PLCB4: variants seen among roughly 807,000 people sequenced by gnomAD.
PLCB4 encodes the protein phospholipase C beta 4, also known as 1-phosphatidylinositol 4,5-bisphosphate phosphodiesterase beta-4.
PLCB4 carries 77 observed loss-of-function variants against 178.8 expected under a neutral mutation model. That is an observed-to-expected ratio of 0.43 (90% confidence interval 0.36 to 0.52). The LOEUF is 0.52. PLCB4 is among the 20% of genes least tolerant of loss of function. The pLI is 0.00. For missense variants in PLCB4, 1,024 were observed against 1,453.4 expected (o/e 0.70, Z 4.80); for synonymous variants, 496 against 490.8 (o/e 1.01, Z -0.14).
intron 21 of PLCB4, among the ~76,000 whole-genome samples, chr20:9,406,483 A>C (rs2039442336): frequency 6.6e-6 from 1 of 150,844 alleles, no homozygotes; most frequent in Admixed American, 6.6e-5. Context: ...AAGACAAACA[A>C]ATTGACCATT....
At chr20:9,205,423 A>G (rs2093604186) in intron 2 of PLCB4, among the ~76,000 whole-genome samples, 1 of 152,236 alleles carries the variant, frequency 6.6e-6, no homozygotes, top group African/African-American at 2.4e-5. Flanking sequence ...AATCTAGAGC[A>G]TCTGTATATT....
In PLCB4 at chr20:9,291,974, A is replaced by T. The variant is rs576236846; in HGVS notation, c.-15-15826A>T. Among the ~76,000 whole-genome samples the T allele has an allele frequency of 3.7e-3, 562 of 152,344 alleles. 3 individuals carry two copies. The highest frequency in any genetic ancestry group is 6.5e-3 in the Non-Finnish European group (439 of 68,018). ...ATAGCAAAGATCTATTTATAAAAGT[A>T]GCTTGGAGAATTTTTAAATACAAGG... is the stretch of plus-strand genomic sequence containing the variant. On this transcript the variant is annotated intron_variant, in intron 3 of 39. Coordinates refer to ENST00000378473, the MANE Select transcript of PLCB4 (RefSeq NM_001377142.1).
chr20:9,398,008 T>C (rs1333734027), intron 19 of PLCB4, among the ~76,000 whole-genome samples: 1 of 152,170 alleles, frequency 6.6e-6, no homozygotes, highest in Non-Finnish European at 1.5e-5. Flanking sequence ...GGATGCTGGC[T>C]GAACGCTGGG....
intron 3 of PLCB4, among the ~76,000 whole-genome samples, chr20:9,266,746 A>AT (rs1227559254): frequency 6.6e-6 from 1 of 152,134 alleles, no homozygotes; most frequent in Non-Finnish European, 1.5e-5. Context: ...GCTGGGTAGA[A>AT]TATTGAGGGT....
At chr20:9,282,492 C>T (rs1450413944) in intron 3 of PLCB4, among the ~76,000 whole-genome samples, 2 of 151,908 alleles carry the variant, frequency 1.3e-5, no homozygotes, top group Admixed American at 1.3e-4. Flanking sequence ...CTAATTGCTT[C>T]CTCTCCCTGC....
At chr20:9,243,730 T>C (rs2094092897) in intron 3 of PLCB4, among the ~76,000 whole-genome samples, 1 of 152,176 alleles carries the variant, frequency 6.6e-6, no homozygotes, top group Admixed American at 6.5e-5. Context: ...ATAGGATGCT[T>C]TAAAACCAGA....
chr20:9,399,718 T>A (rs972854620), intron 19 of PLCB4, among the ~76,000 whole-genome samples: 1 of 152,258 alleles, frequency 6.6e-6, no homozygotes, highest in Non-Finnish European at 1.5e-5. Context: ...AGGTGGTTAG[T>A]AAGTCTCCAC....
intron 3 of PLCB4, among the ~76,000 whole-genome samples, chr20:9,223,184 T>C (rs2093820619): frequency 6.6e-6 from 1 of 152,078 alleles, no homozygotes; most frequent in Admixed American, 6.5e-5. Context: ...TCTAGAAAAG[T>C]TTGGGTATAA....
intron 3 of PLCB4, among the ~76,000 whole-genome samples, chr20:9,288,658 G>C (rs1378865239): frequency 6.6e-6 from 1 of 151,848 alleles, no homozygotes; most frequent in East Asian, 1.9e-4. Context: ...AGAATACTGA[G>C]AGCCAAAAAG....
At chr20:9,186,925 C>G (rs896772370) in intron 2 of PLCB4, among the ~76,000 whole-genome samples, 8 of 151,874 alleles carry the variant, frequency 5.3e-5, no homozygotes, top group African/African-American at 1.9e-4. Flanking sequence ...CCACAGTGAC[C>G]CTTTTATTTG....
chr20:9,207,122 C>A (rs2093623742), intron 2 of PLCB4, among the ~76,000 whole-genome samples: 1 of 152,078 alleles, frequency 6.6e-6, no homozygotes, highest in African/African-American at 2.4e-5. Flanking sequence ...TCTTAAAAAA[C>A]CAAAACAAAA....
chr20:9,232,219 T>C (rs191535938), intron 3 of PLCB4, among the ~76,000 whole-genome samples: 47 of 152,292 alleles, frequency 3.1e-4, no homozygotes, highest in African/African-American at 1.1e-3. Flanking sequence ...GACAGGCCTC[T>C]AATATCTTGA....
At position 9,197,348 on chromosome 20, in the gene PLCB4, C is replaced by T. The variant is rs150122997; in HGVS notation, c.-78-20042C>T. ...CAATATGGCTATTTTGCACTCACCACGTAGCCAGTTCAAGTTGAGATGTGT... is the reference window on the plus strand; with the variant it reads ...CAATATGGCTATTTTGCACTCACCATGTAGCCAGTTCAAGTTGAGATGTGT... On this transcript the variant is annotated intron_variant, in intron 2 of 39. Transcript: ENST00000378473. 9.6e-3 allele frequency among the ~76,000 whole-genome samples: 1,468 copies of T among 152,174 alleles called. 75 individuals carry two copies. The highest frequency in any genetic ancestry group is 0.089 in the Admixed American group (1,353 of 15,280).
chr20:9,159,270 A>T lies in PLCB4; in HGVS notation c.-78-58120A>T, dbSNP rs575318411. ...TTGATCCTTTTTTTATCCTTGACAG[A>T]TACTTATTGGTTGAAACATCAGAGA... On this transcript the variant is annotated intron_variant, in intron 2 of 39. Coordinates refer to ENST00000378473, the MANE Select transcript of PLCB4 (RefSeq NM_001377142.1). Among the ~76,000 whole-genome samples, 5 of 152,274 alleles carry T rather than the reference A, an allele frequency of 3.3e-5. No individual in the cohort carries two copies. In the East Asian group the frequency reaches 9.7e-4, roughly 29 times the overall value.
chr20:9,223,342 C>T (rs1415016258), intron 3 of PLCB4, among the ~76,000 whole-genome samples: 2 of 152,136 alleles, frequency 1.3e-5, no homozygotes, highest in East Asian at 3.9e-4. Flanking sequence ...ACGTTGGGAC[C>T]TATTCTGGTT....
At chr20:9,387,306 G>T (rs779416510) in intron 14 of PLCB4, among the ~76,000 whole-genome samples, 157 bp from the exon 15 acceptor site, 28 of 152,018 alleles carry the variant, frequency 1.8e-4, no homozygotes, top group Non-Finnish European at 2.8e-4. Context: ...AATATAATGT[G>T]GTTTTAACCT....
chr20:9,382,507 G>A (rs1222845755), intron 13 of PLCB4, among the ~76,000 whole-genome samples: 1 of 152,174 alleles, frequency 6.6e-6, no homozygotes, highest in Non-Finnish European at 1.5e-5. Context: ...CTCACTTCAA[G>A]CTACCTTTTT....
At chr20:9,089,274 A>G (rs1010601476) in intron 1 of PLCB4, among the ~76,000 whole-genome samples, 1 of 152,010 alleles carries the variant, frequency 6.6e-6, no homozygotes, top group African/African-American at 2.4e-5. Context: ...ATATATTAAC[A>G]TGTGCTTTAT....
intron 2 of PLCB4, among the ~76,000 whole-genome samples, chr20:9,160,192 G>T (rs1214985805): frequency 6.6e-6 from 1 of 152,142 alleles, no homozygotes; most frequent in Non-Finnish European, 1.5e-5. Context: ...GAGTGTGGGG[G>T]GTGGGTCTCT....
Sources: gnomAD v4.1 joint callset for allele counts (sites outside exome capture counted in the v4.1 genomes callset) on GRCh38, gnomAD v4.1.1 for gene constraint, MANE v1.5 for transcripts, NCBI Gene and HGNC (gene_info 2026-07-23, HGNC 2026-07-21) for gene names.